Variants in KCNMA1 observed in about 807,000 individuals in gnomAD.
KCNMA1 encodes the protein Calcium-activated potassium channel subunit alpha-1.
A neutral mutation model predicts 140.0 loss-of-function variants in KCNMA1; 29 were observed. The observed-to-expected ratio is 0.21, with a 90% confidence interval of 0.15 to 0.28. KCNMA1 has a LOEUF of 0.28. KCNMA1 is among the 10% of genes least tolerant of loss of function. The pLI is 1.00. For synonymous variants in KCNMA1, 612 were observed against 611.9 expected (o/e 1.00, Z 0.00); for missense variants, 880 against 1,602.2 (o/e 0.55, Z 7.70).
chr10:77,404,128 G>T, intron 1 of KCNMA1, 105 bp from the exon 2 acceptor site: 1 of 1,062,798 alleles, frequency 9.4e-7, no homozygotes, highest in Non-Finnish European at 1.4e-6. Flanking sequence ...AGCTGAGATG[G>T]AAACTAGCTT....
chr10:77,449,377 G>C (rs961960871), intron 1 of KCNMA1, among the ~76,000 whole-genome samples: 1 of 152,006 alleles, frequency 6.6e-6, no homozygotes, highest in Non-Finnish European at 1.5e-5. Flanking sequence ...CTCATTACAT[G>C]TTTCTAGGTT....
intron 23 of KCNMA1, among the ~76,000 whole-genome samples, chr10:76,915,345 A>G (rs181673928): frequency 1.5e-3 from 235 of 152,228 alleles, no homozygotes; most frequent in Non-Finnish European, 2.2e-3. Context: ...ACACAGGAGA[A>G]TTATCCCCTG....
intron 5 of KCNMA1, among the ~76,000 whole-genome samples, chr10:77,164,202 T>C (rs2098606107): frequency 6.6e-6 from 1 of 152,210 alleles, no homozygotes; most frequent in African/African-American, 2.4e-5. Flanking sequence ...ACATGAACTC[T>C]GCCCAAGGCA....
intron 1 of KCNMA1, among the ~76,000 whole-genome samples, chr10:77,562,802 C>T (rs759807504): frequency 2.6e-5 from 4 of 152,236 alleles, no homozygotes; most frequent in Non-Finnish European, 5.9e-5. Flanking sequence ...CAGTTAGACA[C>T]GTCTCCCCAT....
At chr10:77,086,875 C>T (rs2153775399) in intron 10 of KCNMA1, among the ~76,000 whole-genome samples, 1 of 152,326 alleles carries the variant, frequency 6.6e-6, no homozygotes. Flanking sequence ...AATGGAATTC[C>T]TATCTTATAA....
At position 77,057,310 on chromosome 10, in the gene KCNMA1, CA is replaced by C. The variant is rs2095576226; in HGVS notation, c.1749+15786del. Among the ~76,000 whole-genome samples, 2 of 152,032 alleles carry C rather than the reference CA, an allele frequency of 1.3e-5. 1 individual carries two copies. Among genetic ancestry groups the C allele is most frequent in the South Asian group, 4.1e-4 (2 of 4,822 alleles). On this transcript the variant is annotated intron_variant, in intron 14 of 27. Transcript: ENST00000286628. ...GTTGAACCCTGAATTCTATATCCAC[CA>C]AAATGTCCCTAAGTAATGAAAGTGA... is the stretch of plus-strand genomic sequence containing the variant.
intron 1 of KCNMA1, among the ~76,000 whole-genome samples, chr10:77,492,768 C>G (rs541143976): frequency 6.6e-6 from 1 of 152,318 alleles, no homozygotes; most frequent in South Asian, 2.1e-4. Context: ...TTACAGATGT[C>G]TGGCACATGA....
At chr10:77,377,211 G>A (rs566198496) in intron 2 of KCNMA1, among the ~76,000 whole-genome samples, 1 of 152,276 alleles carries the variant, frequency 6.6e-6, no homozygotes, top group Non-Finnish European at 1.5e-5. Context: ...GCCAGAACCT[G>A]CTGGCCTCAG....
At chr10:77,117,539 CAAAAAAAAAAAAAAA>C (rs56926398) in intron 6 of KCNMA1, among the ~76,000 whole-genome samples, 1 of 22,516 alleles carries the variant, frequency 4.4e-5, no homozygotes, top group Admixed American at 6.4e-4. Flanking sequence ...GAGTCTATCT[CAAAAAAAAAAAAAAA>C]AAAAAAAAAA....
At chr10:77,334,887 T>C (rs921566140) in intron 2 of KCNMA1, among the ~76,000 whole-genome samples, 1 of 152,244 alleles carries the variant, frequency 6.6e-6, no homozygotes, top group African/African-American at 2.4e-5. Flanking sequence ...GTATCCAATA[T>C]TTTTAAAGTT....
chr10:77,151,469 G>GC (rs34844470), intron 5 of KCNMA1, among the ~76,000 whole-genome samples: 6 of 152,092 alleles, frequency 3.9e-5, no homozygotes, highest in East Asian at 1.9e-4. Context: ...CTTGTGATCT[G>GC]CCCCCCCTTG....
intron 1 of KCNMA1, among the ~76,000 whole-genome samples, chr10:77,559,547 G>C (rs574457890): frequency 7.2e-5 from 11 of 152,304 alleles, no homozygotes; most frequent in African/African-American, 2.6e-4. Context: ...ACCACCAGCT[G>C]TCCTCCACTG....
chr10:77,125,379 GAT>G lies in KCNMA1; in HGVS notation c.809-4333_809-4332del, dbSNP rs1342110494. On this transcript the variant is annotated intron_variant, in intron 5 of 27. Transcript: ENST00000286628. ...CCTACTACTGTCCGCTGATCTGGCA[GAT>G]GTCTTCAGTGACACTTGAACACACA... is the stretch of plus-strand genomic sequence containing the variant. Among the ~76,000 whole-genome samples, 4 of 152,358 alleles carry G rather than the reference GAT, an allele frequency of 2.6e-5. No individual in the cohort carries two copies. In the East Asian group the frequency reaches 7.7e-4, roughly 29 times the overall value.
chr10:77,587,903 C>T, intron 1 of KCNMA1: 1 of 978,690 alleles, frequency 1.0e-6, no homozygotes, highest in African/African-American at 1.7e-5. Context: ...GATCTGCCTT[C>T]AAGATGTTTA....
intron 1 of KCNMA1, among the ~76,000 whole-genome samples, chr10:77,581,716 C>T (rs1248944239): frequency 6.6e-6 from 1 of 152,342 alleles, no homozygotes; most frequent in Admixed American, 6.5e-5. Context: ...TGAGAAGCAC[C>T]TTTCCTCTCT....
At chr10:77,154,222 A>C (rs966723173) in intron 5 of KCNMA1, among the ~76,000 whole-genome samples, 2 of 152,050 alleles carry the variant, frequency 1.3e-5, no homozygotes, top group Non-Finnish European at 2.9e-5. Flanking sequence ...CGTGATTGTA[A>C]GTTTCCTGAG....
chr10:77,497,749 T>A (rs150696960), intron 1 of KCNMA1, among the ~76,000 whole-genome samples: 1 of 152,328 alleles, frequency 6.6e-6, no homozygotes, highest in Non-Finnish European at 1.5e-5. Flanking sequence ...CCCAGTCCTC[T>A]TCTCCTAGGA....
chr10:77,626,084 C>T (rs910132496), intron 1 of KCNMA1, among the ~76,000 whole-genome samples: 1 of 151,904 alleles, frequency 6.6e-6, no homozygotes, highest in Non-Finnish European at 1.5e-5. Context: ...TGTTTAATGC[C>T]CCTGCACGGC....
At chr10:77,028,268 T>C (rs893308764) in intron 15 of KCNMA1, among the ~76,000 whole-genome samples, 1 of 152,098 alleles carries the variant, frequency 6.6e-6, no homozygotes, top group African/African-American at 2.4e-5. Flanking sequence ...ACCTGTTATT[T>C]GGATTCCGTT....
Sources: allele counts gnomAD v4.1 joint callset (sites outside exome capture counted in the v4.1 genomes callset), GRCh38; gene constraint gnomAD v4.1.1; transcripts MANE v1.5; gene names NCBI Gene and HGNC (gene_info 2026-07-23, HGNC 2026-07-21).